KCNJ6: variants seen among roughly 807,000 people sequenced by gnomAD.
KCNJ6 encodes G protein-activated inward rectifier potassium channel 2.
A neutral mutation model predicts 34.2 loss-of-function variants in KCNJ6; 9 were observed. The ratio of observed to expected loss-of-function variants is 0.26; its 90% confidence interval spans 0.16 to 0.46. The LOEUF (loss-of-function observed/expected upper bound fraction) is 0.46, where lower values mean the gene tolerates loss of function less well. Ranked by LOEUF, KCNJ6 falls within the 20% of genes least tolerant of loss-of-function variation. The pLI, the probability that KCNJ6 is intolerant of heterozygous loss-of-function variation, is 1.00. For missense variants in KCNJ6, 236 were observed against 531.3 expected (o/e 0.44, Z 5.46); for synonymous variants, 196 against 207.1 (o/e 0.95, Z 0.46).
At chr21:37,756,173 G>T (rs2055023694) in intron 2 of KCNJ6, among the ~76,000 whole-genome samples, 1 of 152,242 alleles carries the variant, frequency 6.6e-6, no homozygotes, top group Non-Finnish European at 1.5e-5. Flanking sequence ...CCTTGATTCA[G>T]TGTCTGTGGC....
intron 3 of KCNJ6, among the ~76,000 whole-genome samples, chr21:37,631,747 C>T (rs542733055): frequency 2.6e-4 from 40 of 152,260 alleles, no homozygotes; most frequent in African/African-American, 9.1e-4. Flanking sequence ...CCTTTCTAAC[C>T]GGAGGACCAG....
intron 2 of KCNJ6, among the ~76,000 whole-genome samples, chr21:37,798,890 GA>G (rs1175886563): frequency 6.6e-6 from 1 of 152,156 alleles, no homozygotes; most frequent in Non-Finnish European, 1.5e-5. Flanking sequence ...TTAAATGGGT[GA>G]ATCGTACGGC....
chr21:37,816,909 C>T (rs937148481), intron 2 of KCNJ6, among the ~76,000 whole-genome samples: 10 of 152,186 alleles, frequency 6.6e-5, no homozygotes, highest in African/African-American at 2.4e-4. Context: ...AGAGATAATG[C>T]TCTGACCCTG....
chr21:37,626,547 C>G (rs1010835911), intron 3 of KCNJ6, among the ~76,000 whole-genome samples: 1 of 152,130 alleles, frequency 6.6e-6, no homozygotes, highest in Non-Finnish European at 1.5e-5. Context: ...TATGAAATGG[C>G]AGAATGAGGA....
intron 3 of KCNJ6, among the ~76,000 whole-genome samples, chr21:37,707,731 G>GTGTGTGTGTGTGTGTA (rs1556022152): frequency 6.6e-6 from 1 of 150,940 alleles, no homozygotes; most frequent in African/African-American, 2.4e-5. Context: ...GCATGTGTGT[G>GTGTGTGTGTGTGTGTA]TGTGAATAAT....
At chr21:37,828,779 G>A (rs1004798095) in intron 2 of KCNJ6, among the ~76,000 whole-genome samples, 4 of 152,186 alleles carry the variant, frequency 2.6e-5, no homozygotes, top group Admixed American at 6.5e-5. Flanking sequence ...GAGGCTCAGC[G>A]CTTCCTAAAC....
intron 2 of KCNJ6, among the ~76,000 whole-genome samples, chr21:37,819,356 G>A (rs2055362999): frequency 6.6e-6 from 1 of 152,148 alleles, no homozygotes; most frequent in Admixed American, 6.5e-5. Context: ...AGGTCGTTCT[G>A]TTTGCCTCTT....
At chr21:37,685,121 A>C (rs1462563857) in intron 3 of KCNJ6, among the ~76,000 whole-genome samples, 1 of 152,206 alleles carries the variant, frequency 6.6e-6, no homozygotes, top group Non-Finnish European at 1.5e-5. Context: ...AAATGGGCAA[A>C]GAGAAGAAAA....
At chr21:37,824,816 T>G (rs1219154523) in intron 2 of KCNJ6, among the ~76,000 whole-genome samples, 4 of 152,186 alleles carry the variant, frequency 2.6e-5, no homozygotes, top group African/African-American at 9.7e-5. Context: ...ACCTCTTTTC[T>G]TTATAAATTA....
At position 37,703,638 on chromosome 21, in the gene KCNJ6, G is replaced by A. The variant is rs150087914; in HGVS notation, c.946+10573C>T. Among the ~76,000 whole-genome samples, 457 of 152,306 alleles carry A rather than the reference G, an allele frequency of 3.0e-3. 7 individuals carry two copies. The highest frequency in any genetic ancestry group is 0.01 in the African/African-American group (427 of 41,556). ...TATGACAGGTACCCCCTGAAGGCAA[G>A]TGCACAAAACATCTAACACCCTCCG... On this transcript the variant is annotated intron_variant, in intron 3 of 3. Coordinates refer to ENST00000609713, the MANE Select transcript of KCNJ6 (RefSeq NM_002240.5).
intron 1 of KCNJ6, among the ~76,000 whole-genome samples, chr21:37,898,097 C>T (rs758100308): frequency 2.6e-5 from 4 of 152,094 alleles, no homozygotes; most frequent in Non-Finnish European, 4.4e-5. Flanking sequence ...ATGAAGTATC[C>T]GTGTGGGAAG....
intron 3 of KCNJ6, among the ~76,000 whole-genome samples, chr21:37,669,833 A>G (rs541694739): frequency 2.6e-4 from 39 of 152,322 alleles, no homozygotes; most frequent in African/African-American, 9.1e-4. Context: ...TTTCACTTTC[A>G]TGATAATGTA....
intron 2 of KCNJ6, among the ~76,000 whole-genome samples, chr21:37,755,534 G>A (rs936741558): frequency 1.3e-5 from 2 of 152,230 alleles, no homozygotes; most frequent in Admixed American, 6.5e-5. Context: ...AAAATAGGCA[G>A]ACTAGTTGAG....
chr21:37,798,732 T>C (rs1018407001), intron 2 of KCNJ6, among the ~76,000 whole-genome samples: 3 of 152,068 alleles, frequency 2.0e-5, no homozygotes, highest in African/African-American at 7.2e-5. Flanking sequence ...AGTAGATCTG[T>C]GGTTGTTTGG....
chr21:37,715,829 C>T (rs1312314679), intron 2 of KCNJ6, among the ~76,000 whole-genome samples: 2 of 152,126 alleles, frequency 1.3e-5, no homozygotes, highest in African/African-American at 4.8e-5. Context: ...AGAAACTAAC[C>T]CTGCCAACAC....
At chr21:37,761,502 G>A (rs1211278707) in intron 2 of KCNJ6, among the ~76,000 whole-genome samples, 1 of 147,616 alleles carries the variant, frequency 6.8e-6, no homozygotes, top group African/African-American at 2.5e-5. Flanking sequence ...TTGTGTGTAT[G>A]TAGTGCATGT....
At chr21:37,706,943 C>T (rs2054722854) in intron 3 of KCNJ6, among the ~76,000 whole-genome samples, 1 of 152,242 alleles carries the variant, frequency 6.6e-6, no homozygotes, top group Admixed American at 6.5e-5. Context: ...GTCTTGTTCT[C>T]ACTGAGCAGT....
rs1056211599 is a variant in KCNJ6, at chr21:37,695,889, A to G, written c.946+18322T>C. Among the ~76,000 whole-genome samples, 2 of 152,244 alleles carry G rather than the reference A, an allele frequency of 1.3e-5. No individual in the cohort carries two copies. The highest frequency in any genetic ancestry group is 2.1e-4 in the South Asian group (1 of 4,830). On this transcript the variant is annotated intron_variant, in intron 3 of 3. Coordinates refer to ENST00000609713, the MANE Select transcript of KCNJ6 (RefSeq NM_002240.5). This position sits in a 1 kb window ranked among gnomAD's most constrained non-coding sequence, Gnocchi z 4.2. The stretch of plus-strand genomic sequence containing the variant: ...TGTAACATCTTTTTGTGCCAGAAAA[A>G]AGGAAGAACACACAAAATGATTATG...
Position 37,873,984 on chromosome 21 carries a change from C to T in KCNJ6, c.-27-33275G>A, listed in dbSNP as rs569069811. Among the ~76,000 whole-genome samples the T allele has an allele frequency of 3.3e-4, 51 of 152,288 alleles. No individual in the cohort carries two copies. The South Asian group carries it at 0.011, about 32-fold the overall frequency. Reference sequence around the variant, plus strand: ...CGTCTTATCTCCACTCCCTCTTCAACTTCTATCTCCATTTCTCTGCTCACT... The same window carrying T: ...CGTCTTATCTCCACTCCCTCTTCAATTTCTATCTCCATTTCTCTGCTCACT... On this transcript the variant is annotated intron_variant, in intron 1 of 3. Coordinates refer to ENST00000609713, the MANE Select transcript of KCNJ6 (RefSeq NM_002240.5).
Sources: allele counts gnomAD v4.1 joint callset (sites outside exome capture counted in the v4.1 genomes callset), GRCh38; gene constraint gnomAD v4.1.1; non-coding constraint Gnocchi (gnomAD v3.1); transcripts MANE v1.5; gene names NCBI Gene and HGNC (gene_info 2026-07-23, HGNC 2026-07-21).